Variants in FBXL17 observed in about 807,000 individuals in gnomAD.
FBXL17 encodes the protein F-box and leucine rich repeat protein 17.
A neutral mutation model predicts 66.2 loss-of-function variants in FBXL17; 22 were observed. That is an observed-to-expected ratio of 0.33 (90% CI 0.24 to 0.47). FBXL17 has a LOEUF of 0.47. FBXL17 is among the 20% of genes least tolerant of loss of function. The pLI is 1.00. For missense variants in FBXL17, 878 were observed against 948.2 expected (o/e 0.93, Z 0.97); for synonymous variants, 474 against 400.5 (o/e 1.18, Z -2.19).
intron 6 of FBXL17, among the ~76,000 whole-genome samples, chr5:108,099,645 T>A (rs867238430): frequency 6.6e-6 from 1 of 152,182 alleles, no homozygotes; most frequent in African/African-American, 2.4e-5. Context: ...ATATGAATGA[T>A]ACTTTCCTTC....
intron 6 of FBXL17, among the ~76,000 whole-genome samples, chr5:108,068,408 C>A (rs190201881): frequency 6.7e-6 from 1 of 149,508 alleles, no homozygotes; most frequent in African/African-American, 2.5e-5. Context: ...CTCTTTATAC[C>A]CATAAAATCT....
At chr5:107,944,202 T>C (rs1161987876) in intron 7 of FBXL17, among the ~76,000 whole-genome samples, 4 of 152,234 alleles carry the variant, frequency 2.6e-5, no homozygotes, top group African/African-American at 9.6e-5. Context: ...TTTATCACTA[T>C]TTCATTCATT....
intron 6 of FBXL17, among the ~76,000 whole-genome samples, chr5:108,157,443 G>A (rs758524505): frequency 3.3e-5 from 5 of 151,442 alleles, no homozygotes; most frequent in Admixed American, 1.3e-4. Context: ...AGGAAGGTTC[G>A]TTTTTTTAAA....
At chr5:108,376,267 T>C (rs1292326814) in intron 1 of FBXL17, among the ~76,000 whole-genome samples, 1 of 152,206 alleles carries the variant, frequency 6.6e-6, no homozygotes, top group Non-Finnish European at 1.5e-5. Context: ...TACTGGAGAT[T>C]CTGGCTAGGG....
chr5:108,041,411 T>C (rs1403035556), intron 6 of FBXL17, among the ~76,000 whole-genome samples: 1 of 152,058 alleles, frequency 6.6e-6, no homozygotes, highest in Non-Finnish European at 1.5e-5. Flanking sequence ...TTTTTGTTTT[T>C]TTGTTTTGTT....
At chr5:108,331,245 A>G (rs1270533728) in intron 4 of FBXL17, among the ~76,000 whole-genome samples, 1 of 152,206 alleles carries the variant, frequency 6.6e-6, no homozygotes, top group Non-Finnish European at 1.5e-5. Flanking sequence ...GTTACAACCA[A>G]CCACATTTCC....
At chr5:107,871,859 T>A (rs1748467642) in intron 8 of FBXL17, among the ~76,000 whole-genome samples, 1 of 152,172 alleles carries the variant, frequency 6.6e-6, no homozygotes, top group Non-Finnish European at 1.5e-5. Flanking sequence ...ATTTCTAAAT[T>A]AAACTCATGA....
chr5:108,108,979 C>G (rs1749924281), intron 6 of FBXL17, among the ~76,000 whole-genome samples: 1 of 151,954 alleles, frequency 6.6e-6, no homozygotes, highest in African/African-American at 2.4e-5. Flanking sequence ...AGATGGGGTT[C>G]TCCATGTTGG....
chr5:108,052,919 C>T (rs191632224), intron 6 of FBXL17, among the ~76,000 whole-genome samples: 2 of 152,276 alleles, frequency 1.3e-5, no homozygotes, highest in Non-Finnish European at 2.9e-5. Flanking sequence ...TGATCTTCAA[C>T]AAACCTGACA....
intron 6 of FBXL17, among the ~76,000 whole-genome samples, chr5:108,068,487 G>A (rs951374365): frequency 1.3e-5 from 2 of 149,812 alleles, no homozygotes; most frequent in African/African-American, 2.5e-5. Flanking sequence ...ATGGAGTCTC[G>A]CTCTGTTGCC....
intron 6 of FBXL17, among the ~76,000 whole-genome samples, chr5:108,153,698 G>A (rs1424962896): frequency 1.3e-5 from 2 of 151,806 alleles, no homozygotes; most frequent in Non-Finnish European, 2.9e-5. Context: ...ATCAAGGTTG[G>A]GCCAGCTTGC....
intron 7 of FBXL17, among the ~76,000 whole-genome samples, chr5:107,975,121 A>G (rs1413558963): frequency 1.3e-5 from 2 of 152,202 alleles, no homozygotes; most frequent in East Asian, 3.8e-4. Flanking sequence ...ATGTTATTTT[A>G]TAAAATCAAT....
chr5:107,897,573 C>T (rs1749424923), intron 7 of FBXL17, among the ~76,000 whole-genome samples: 1 of 152,122 alleles, frequency 6.6e-6, no homozygotes, highest in Admixed American at 6.6e-5. Flanking sequence ...CCACCCAGAA[C>T]TCCATGAGTT....
intron 7 of FBXL17, among the ~76,000 whole-genome samples, chr5:107,982,473 T>C (rs976141468): frequency 6.6e-6 from 1 of 151,932 alleles, no homozygotes; most frequent in African/African-American, 2.4e-5. Context: ...AAAAACCACA[T>C]AGCAATGAAC....
intron 6 of FBXL17, among the ~76,000 whole-genome samples, chr5:108,040,325 A>G (rs1278081744): frequency 6.6e-6 from 1 of 152,168 alleles, no homozygotes; most frequent in African/African-American, 2.4e-5. Flanking sequence ...TGGCAGCATA[A>G]ATTAGCAAAA....
intron 7 of FBXL17, among the ~76,000 whole-genome samples, chr5:107,923,603 C>T (rs192173404): frequency 4.3e-4 from 66 of 152,256 alleles, no homozygotes; most frequent in African/African-American, 1.5e-3. Flanking sequence ...CATTCTACTC[C>T]TGAAAAGCTG....
At chr5:108,230,512 C>T (rs1287043923) in intron 4 of FBXL17, among the ~76,000 whole-genome samples, 8 of 152,000 alleles carry the variant, frequency 5.3e-5, no homozygotes, top group Non-Finnish European at 7.4e-5. Flanking sequence ...TAAGTGGGAG[C>T]TAAGCTATGA....
Position 107,859,594 on chromosome 5 carries a change from C to T in FBXL17, c.*2126G>A, listed in dbSNP as rs1043172384. 8.0e-6 allele frequency: 1 copy of T among 125,124 alleles called. No homozygotes were observed. The highest frequency in any genetic ancestry group is 3.0e-5 in the African/African-American group (1 of 32,804). The allele number at this position is 125,124 out of a possible 1,614,324, so 7.8% of individuals were successfully genotyped here. ...AGCTAAAGCATGTTATAGTGCTGTA[C>T]TTTAGATTCAAACAATGCAACATTT... is the stretch of plus-strand genomic sequence containing the variant. On this transcript the variant is annotated 3_prime_UTR_variant, in exon 9 of 9. Transcript: ENST00000542267.
intron 6 of FBXL17, among the ~76,000 whole-genome samples, chr5:108,153,852 A>G (rs1751862512): frequency 6.6e-6 from 1 of 152,214 alleles, no homozygotes; most frequent in Non-Finnish European, 1.5e-5. Flanking sequence ...ACTGTTTTTA[A>G]AACATCCAAA....
Sources: gnomAD v4.1 joint callset for allele counts (sites outside exome capture counted in the v4.1 genomes callset) on GRCh38, gnomAD v4.1.1 for gene constraint, MANE v1.5 for transcripts, NCBI Gene and HGNC (gene_info 2026-07-23, HGNC 2026-07-21) for gene names.